SLC8A1: variants seen among roughly 807,000 people sequenced by gnomAD.
SLC8A1 encodes the protein sodium/calcium exchanger 1.
In SLC8A1, 18 loss-of-function variants were observed where a neutral mutation model predicts 68.3. That is an observed-to-expected ratio of 0.26 (90% CI 0.18 to 0.39). The LOEUF (loss-of-function observed/expected upper bound fraction) is 0.39, where lower values mean the gene tolerates loss of function less well. SLC8A1 is among the 10% of genes least tolerant of loss of function. The pLI, the probability that SLC8A1 is intolerant of heterozygous loss-of-function variation, is 1.00. For missense variants in SLC8A1, 985 were observed against 1,156.7 expected (o/e 0.85, Z 2.15); for synonymous variants, 475 against 415.5 (o/e 1.14, Z -1.74).
exon 8 of SLC8A1, chr2:40,103,055 C>G (rs193104313): frequency 6.6e-6 from 1 of 152,090 alleles, no homozygotes; most frequent in Non-Finnish European, 1.5e-5. Flanking sequence ...CTTACCTTTC[C>G]CCCTGACAAA....
intron 2 of SLC8A1, chr2:40,251,660 A>G (rs1385897252): frequency 6.6e-6 from 1 of 152,156 alleles, no homozygotes; most frequent in African/African-American, 2.4e-5. Flanking sequence ...GAGACGCTCA[A>G]CTTGTTTGTT....
chr2:40,283,603 C>A (rs1441645084), intron 2 of SLC8A1, among the ~76,000 whole-genome samples: 1 of 152,150 alleles, frequency 6.6e-6, no homozygotes, highest in African/African-American at 2.4e-5. Context: ...AAAGGCAAAG[C>A]ACAAAGAGGA....
intron 2 of SLC8A1, among the ~76,000 whole-genome samples, chr2:40,394,902 C>T (rs1052866050): frequency 1.3e-5 from 2 of 152,084 alleles, no homozygotes; most frequent in Non-Finnish European, 1.5e-5. Flanking sequence ...AGAACTCTAC[C>T]CCAATCCCAG....
exon 8 of SLC8A1, chr2:40,099,971 A>G (rs1380961084): frequency 2.6e-5 from 4 of 152,060 alleles, no homozygotes; most frequent in African/African-American, 4.8e-5. Context: ...GAAGTTACCA[A>G]TGTCTCCTCG....
intron 1 of SLC8A1, among the ~76,000 whole-genome samples, chr2:40,447,493 C>A (rs1337173694): frequency 6.6e-5 from 10 of 151,798 alleles, no homozygotes; most frequent in Non-Finnish European, 4.4e-5. Context: ...TGGGCAGCAA[C>A]CTAGTTTTAA....
intron 2 of SLC8A1, among the ~76,000 whole-genome samples, chr2:40,414,146 T>C (rs1459291094): frequency 9.2e-5 from 14 of 152,196 alleles, no homozygotes; most frequent in Admixed American, 7.9e-4. Context: ...AAATGAAACA[T>C]GAATCAAAGT....
intron 4 of SLC8A1, among the ~76,000 whole-genome samples, chr2:40,173,580 A>C (rs1279077191): frequency 6.6e-6 from 1 of 152,234 alleles, no homozygotes; most frequent in Non-Finnish European, 1.5e-5. Flanking sequence ...TTCGGACAGA[A>C]TCACATTGGA....
chr2:40,137,250 G>C lies in SLC8A1; in HGVS notation c.2437+2151C>G, dbSNP rs529249174. Among the ~76,000 whole-genome samples the C allele has an allele frequency of 2.6e-5, 4 of 152,346 alleles. No individual in the cohort carries two copies. The South Asian group carries it at 8.3e-4, about 32-fold the overall frequency. ...ACTGACATTTAGAAAAAGCCAGCTT[G>C]AGGGTATATTGGATAAGAGGTATTG... is the stretch of plus-strand genomic sequence containing the variant. On this transcript the variant is annotated intron_variant, in intron 7 of 7. Transcript: ENST00000406785.
intron 2 of SLC8A1, among the ~76,000 whole-genome samples, chr2:40,182,637 G>C (rs2049839196): frequency 6.6e-6 from 1 of 152,092 alleles, no homozygotes. Flanking sequence ...TCTTATCTTA[G>C]GTGTCTCAAA....
At chr2:40,472,048 C>T (rs564285614) in intron 1 of SLC8A1, among the ~76,000 whole-genome samples, 3 of 152,076 alleles carry the variant, frequency 2.0e-5, no homozygotes, top group African/African-American at 2.4e-5. Flanking sequence ...ATGTCTGAAC[C>T]GGGGGAATTG....
rs555075277 is a variant in SLC8A1, at chr2:40,323,160, C to G, written c.1808+105313G>C. 2.6e-5 allele frequency among the ~76,000 whole-genome samples: 4 copies of G among 152,202 alleles called. No homozygotes were observed. The South Asian group carries it at 6.2e-4, about 24-fold the overall frequency. ...CTATAATGCTTTTGTTCTCGAGCTT[C>G]CAGTGTCTTTATCATAGAAAAATTA... is the stretch of plus-strand genomic sequence containing the variant. On this transcript the variant is annotated intron_variant, in intron 2 of 7. Transcript: ENST00000406785.
chr2:40,333,164 T>C (rs529045146), intron 2 of SLC8A1, among the ~76,000 whole-genome samples: 11 of 152,108 alleles, frequency 7.2e-5, no homozygotes, highest in Middle Eastern at 3.4e-3. Flanking sequence ...TTAGGCCGGG[T>C]GCGGTGGCTC....
At chr2:40,120,563 C>G (rs1238173901) in intron 7 of SLC8A1, 1 of 152,134 alleles carries the variant, frequency 6.6e-6, no homozygotes, top group Non-Finnish European at 1.5e-5. Context: ...CATTAAAATA[C>G]TAAATTTATA....
intron 2 of SLC8A1, among the ~76,000 whole-genome samples, chr2:40,387,513 T>A (rs1418266267): frequency 2.0e-5 from 3 of 151,360 alleles, no homozygotes; most frequent in Non-Finnish European, 4.4e-5. Context: ...GTACCTTGAT[T>A]ATTCCTTCTG....
At chr2:40,380,673 T>C (rs1314409423) in intron 2 of SLC8A1, among the ~76,000 whole-genome samples, 3 of 152,116 alleles carry the variant, frequency 2.0e-5, no homozygotes, top group African/African-American at 4.8e-5. Context: ...TTAATTATGT[T>C]ATTGCTACAC....
chr2:40,403,172 G>T (rs932293558), intron 2 of SLC8A1, among the ~76,000 whole-genome samples: 13 of 152,102 alleles, frequency 8.5e-5, no homozygotes, highest in African/African-American at 2.9e-4. Context: ...CATTAAAAAG[G>T]CAAGCTTAAA....
chr2:40,385,309 G>T (rs1327114818), intron 2 of SLC8A1, among the ~76,000 whole-genome samples: 2 of 146,226 alleles, frequency 1.4e-5, no homozygotes, highest in Non-Finnish European at 2.9e-5. Context: ...TGTAACTCTG[G>T]GCTTTTCTCC....
rs544926520 is a variant in SLC8A1 at position 40,359,189 on chromosome 2, T to G, written c.1808+69284A>C. The stretch of plus-strand genomic sequence containing the variant: ...AAATATATGGGCTGTAAATGTAAAA[T>G]ACACACTTTATTTTGAAGACTGTGA... On this transcript the variant is annotated intron_variant, in intron 2 of 7. Coordinates refer to ENST00000406785, the Ensembl canonical transcript of SLC8A1. Among the ~76,000 whole-genome samples, 238 of 152,192 alleles carry G rather than the reference T, an allele frequency of 1.6e-3. 2 individuals are homozygous for G. The highest frequency in any genetic ancestry group is 5.6e-3 in the African/African-American group (233 of 41,534).
At chr2:40,425,988 T>A (rs570325602) in intron 2 of SLC8A1, among the ~76,000 whole-genome samples, 1 of 152,034 alleles carries the variant, frequency 6.6e-6, no homozygotes, top group East Asian at 1.9e-4. Flanking sequence ...TCTTTGATAA[T>A]ATGTTTTTCT....
Sources: gnomAD v4.1 joint callset for allele counts (sites outside exome capture counted in the v4.1 genomes callset) on GRCh38, gnomAD v4.1.1 for gene constraint, MANE v1.5 for transcripts, NCBI Gene and HGNC (gene_info 2026-07-23, HGNC 2026-07-21) for gene names.